Variants in MEOX2 observed in about 807,000 individuals in gnomAD.
MEOX2 encodes homeobox protein MOX-2.
A neutral mutation model predicts 27.0 loss-of-function variants in MEOX2; 11 were observed. That is an observed-to-expected ratio of 0.41 (90% CI 0.26 to 0.68). The LOEUF is 0.68. Ranked by LOEUF, MEOX2 falls within the 30% of genes least tolerant of loss-of-function variation. The pLI, the probability that MEOX2 is intolerant of heterozygous loss-of-function variation, is 0.33. For synonymous variants in MEOX2, 189 were observed against 155.4 expected, an observed-to-expected ratio of 1.22 and a Z score of -1.61; for missense variants, 436 against 385.4, an observed-to-expected ratio of 1.13 and a Z score of -1.10.
intron 1 of MEOX2, among the ~76,000 whole-genome samples, chr7:15,647,071 A>G (rs1255987959): frequency 1.3e-5 from 2 of 152,078 alleles, no homozygotes; most frequent in African/African-American, 4.8e-5. Context: ...TTTGATGCTC[A>G]TAAGACTCAT....
intron 1 of MEOX2, among the ~76,000 whole-genome samples, chr7:15,633,308 A>T (rs1781430514): frequency 6.6e-6 from 1 of 151,924 alleles, no homozygotes; most frequent in African/African-American, 2.4e-5. Flanking sequence ...CTCAGCTCTT[A>T]TGTCAGCAAA....
rs1781049039 is a variant in MEOX2, at chr7:15,612,518, C to T, written c.784G>A (p.Val262Met). Reference sequence around the variant, plus strand: ...GATGGGAGAAGTGTTCCCTTTTTCACATTCACCAGTTCCTTTTCCCGAGCC... The same window carrying T: ...GATGGGAGAAGTGTTCCCTTTTTCATATTCACCAGTTCCTTTTCCCGAGCC... Reference protein sequence around the residue: ...AAAREKELVNVKKGTLLPSEL... With the variant: ...AAAREKELVNMKKGTLLPSEL... Residue 262 changes from valine (V) to methionine (M), a missense_variant, in exon 3 of 3, where the codon GTG (valine) becomes ATG (methionine). Val to Met is a conservative substitution (Grantham distance 21). Transcript: ENST00000262041. 1 of 1,614,082 alleles carries T rather than the reference C, an allele frequency of 6.2e-7. No individual in the cohort carries two copies. Among genetic ancestry groups the T allele is most frequent in the African/African-American group, 1.3e-5 (1 of 74,944 alleles).
At chr7:15,624,101 GTTAC>G (rs1372867835) in intron 2 of MEOX2, among the ~76,000 whole-genome samples, 3 of 152,290 alleles carry the variant, frequency 2.0e-5, no homozygotes, top group South Asian at 2.1e-4. Context: ...TGGGGAGATT[GTTAC>G]TTACTTAAGA....
intron 1 of MEOX2, among the ~76,000 whole-genome samples, chr7:15,640,423 T>C (rs1189589963): frequency 6.6e-6 from 1 of 152,142 alleles, no homozygotes; most frequent in African/African-American, 2.4e-5. Context: ...CTGGGAGTTT[T>C]TTGAAGGAAT....
chr7:15,641,328 A>C (rs1781557297), intron 1 of MEOX2, among the ~76,000 whole-genome samples: 1 of 151,756 alleles, frequency 6.6e-6, no homozygotes, highest in Admixed American at 6.6e-5. Context: ...ATTGAGTTGA[A>C]CCCTTTATTA....
rs114656707 is a variant in MEOX2 at position 15,642,413 on chromosome 7, G to C, written c.518-15495C>G. Among the ~76,000 whole-genome samples, 762 of 152,174 alleles carry C rather than the reference G, an allele frequency of 5.0e-3. 7 individuals carry two copies. The highest frequency in any genetic ancestry group is 0.017 in the African/African-American group (721 of 41,514). On this transcript the variant is annotated intron_variant, in intron 1 of 2. Transcript: ENST00000262041. ...TCTGTTTGTTCTACTCTACTGCTAA[G>C]TTTGCCACAGTGTTTTGAATTTCCT... is the stretch of plus-strand genomic sequence containing the variant.
At chr7:15,625,672 C>A (rs532357948) in intron 2 of MEOX2, among the ~76,000 whole-genome samples, 22 of 152,238 alleles carry the variant, frequency 1.4e-4, no homozygotes, top group African/African-American at 4.8e-4. Flanking sequence ...GAGTGCCAAT[C>A]ATAACTGCAC....
chr7:15,624,497 G>A (rs929668086), intron 2 of MEOX2, among the ~76,000 whole-genome samples: 8 of 152,216 alleles, frequency 5.3e-5, no homozygotes, highest in Admixed American at 1.3e-4. Flanking sequence ...CAAATATGAC[G>A]TAAGAGGCCT....
chr7:15,670,206 G>C, intron 1 of MEOX2, among the ~76,000 whole-genome samples: 1 of 152,024 alleles, frequency 6.6e-6, no homozygotes, highest in East Asian at 1.9e-4. Flanking sequence ...TTACACATGT[G>C]CATTATGTTT....
chr7:15,663,938 G>T (rs889438673), intron 1 of MEOX2, among the ~76,000 whole-genome samples: 1 of 152,152 alleles, frequency 6.6e-6, no homozygotes, highest in Non-Finnish European at 1.5e-5. Flanking sequence ...GATAGATATA[G>T]ATAGACAGAC....
chr7:15,640,137 T>C (rs1402968205), intron 1 of MEOX2, among the ~76,000 whole-genome samples: 1 of 152,104 alleles, frequency 6.6e-6, no homozygotes, highest in East Asian at 1.9e-4. Context: ...TTTGTTTGTA[T>C]TATCTATGAT....
intron 2 of MEOX2, among the ~76,000 whole-genome samples, chr7:15,615,769 C>T (rs892250226): frequency 1.3e-5 from 2 of 151,904 alleles, no homozygotes; most frequent in Admixed American, 6.6e-5. Context: ...ATGGACAATT[C>T]CAGATGGAAG....
intron 1 of MEOX2, among the ~76,000 whole-genome samples, chr7:15,627,827 G>A (rs7786338): frequency 0.68 from 97,628 of 143,884 alleles, 31,890 homozygotes; most frequent in East Asian, 0.82. Flanking sequence ...ACACACACAC[G>A]TCAAGTAAAA....
At chr7:15,662,632 G>C (rs1781935512) in intron 1 of MEOX2, among the ~76,000 whole-genome samples, 1 of 152,068 alleles carries the variant, frequency 6.6e-6, no homozygotes, top group South Asian at 2.1e-4. Context: ...CAGACTTTTA[G>C]TTTCCATAGT....
intron 1 of MEOX2, among the ~76,000 whole-genome samples, chr7:15,671,254 A>C (rs1782091485): frequency 6.6e-6 from 1 of 152,234 alleles, no homozygotes; most frequent in Admixed American, 6.5e-5. Flanking sequence ...GTCAGAAAAA[A>C]AGTAATTTTA....
intron 1 of MEOX2, among the ~76,000 whole-genome samples, chr7:15,652,010 C>T (rs1781738354): frequency 6.6e-6 from 1 of 151,966 alleles, no homozygotes; most frequent in South Asian, 2.1e-4. Flanking sequence ...ATCTTCTTCC[C>T]AGTCTTAGAC....
At chr7:15,675,626 A>T (rs1266743364) in intron 1 of MEOX2, among the ~76,000 whole-genome samples, 2 of 152,208 alleles carry the variant, frequency 1.3e-5, no homozygotes, top group East Asian at 3.9e-4. Flanking sequence ...TAGGAAATAC[A>T]TTCATTGAAC....
At chr7:15,667,534 A>T (rs758296) in intron 1 of MEOX2, among the ~76,000 whole-genome samples, 1 of 152,076 alleles carries the variant, frequency 6.6e-6, no homozygotes, top group African/African-American at 2.4e-5. Context: ...CGTAGGGCCA[A>T]GTCCCTGGAA....
At chr7:15,627,826 C>CACACACACA (rs1562597858) in intron 1 of MEOX2, among the ~76,000 whole-genome samples, 1 of 151,550 alleles carries the variant, frequency 6.6e-6, no homozygotes, top group African/African-American at 2.4e-5. Context: ...CACACACACA[C>CACACACACA]GTCAAGTAAA....
Sources: allele counts gnomAD v4.1 joint callset (sites outside exome capture counted in the v4.1 genomes callset), GRCh38; gene constraint gnomAD v4.1.1; transcripts MANE v1.5; gene names NCBI Gene and HGNC (gene_info 2026-07-23, HGNC 2026-07-21).